The following BCR variants were observed in gnomAD, a reference collection of about 807,000 sequenced individuals.
BCR encodes BCR activator of RhoGEF and GTPase.
BCR carries 58 observed loss-of-function variants against 138.6 expected under a neutral mutation model. The ratio of observed to expected loss-of-function variants is 0.42; its 90% confidence interval spans 0.34 to 0.52. The LOEUF (loss-of-function observed/expected upper bound fraction) is 0.52, where lower values mean the gene tolerates loss of function less well. Among genes scored for constraint, BCR ranks in the 20% least tolerant of loss-of-function variants. The pLI is 0.06. For synonymous variants in BCR, 786 were observed against 730.1 expected, an observed-to-expected ratio of 1.08 and a Z score of -1.23; for missense variants, 1,599 against 1,727.2, an observed-to-expected ratio of 0.93 and a Z score of 1.32.
At chr22:23,290,570 T>G (rs2073774390) in intron 14 of BCR, 157 bp downstream of exon 14, 1 of 758,564 alleles carries the variant, frequency 1.3e-6, no homozygotes. Flanking sequence ...TGCTGGTTGA[T>G]GCCTTCTGGG....
chr22:23,219,021 G>A (rs959982969), intron 1 of BCR, among the ~76,000 whole-genome samples: 1 of 130 alleles, frequency 7.7e-3, no homozygotes, highest in South Asian at 0.17. Flanking sequence ...GAGAAGGCCT[G>A]CGCTTCCAGC....
chr22:23,286,024 T>C (rs1301922935), intron 10 of BCR, among the ~76,000 whole-genome samples: 1 of 152,212 alleles, frequency 6.6e-6, no homozygotes, highest in East Asian at 1.9e-4. Context: ...GCTGCGTCCT[T>C]TGCCGTGTGG....
intron 1 of BCR, among the ~76,000 whole-genome samples, chr22:23,226,305 TGAGAGAGAGA>T (rs67417858): frequency 5.4e-5 from 8 of 148,946 alleles, no homozygotes; most frequent in Non-Finnish European, 7.5e-5. Flanking sequence ...ATTAAGTGTA[TGAGAGAGAGA>T]GAGAGAGAGA....
chr22:23,218,919 C>CGCAA (rs2072788066), intron 1 of BCR, among the ~76,000 whole-genome samples: 1 of 152,204 alleles, frequency 6.6e-6, no homozygotes, highest in South Asian at 2.1e-4. Context: ...AGGGTGAGGT[C>CGCAA]GCAGCCCGGC....
rs528236893 is a variant in BCR, at chr22:23,287,268, G to A, written c.2516G>A (p.Arg839His). ...SPSMAFRVHS[R>H]NGKSYTFLIS... is the part of the protein sequence containing the mutation. Reference sequence around the variant, plus strand: ...AGCATGGCCTTCAGGGTGCACAGCCGCAACGGCAAGGTGAGCGCCTGCTGT... The same window carrying A: ...AGCATGGCCTTCAGGGTGCACAGCCACAACGGCAAGGTGAGCGCCTGCTGT... The change falls in exon 11 of 23, where the codon CGC becomes CAC. Residue 839 changes from arginine to histidine, a missense_variant. This residue lies in a region of BCR where 590 missense variants were observed against 762.4 expected (regional missense o/e 0.77). Coordinates refer to ENST00000305877, the MANE Select transcript of BCR (RefSeq NM_004327.4). 5.8e-6 allele frequency: 9 copies of A among 1,548,322 alleles called. No individual in the cohort carries two copies. The highest frequency in any genetic ancestry group is 2.4e-5 in the South Asian group (2 of 83,140).
chr22:23,268,650 T>TTGC (rs2073473762), intron 5 of BCR, 135 bp downstream of exon 5: 1 of 821,578 alleles, frequency 1.2e-6, no homozygotes, highest in Non-Finnish European at 2.0e-6. Flanking sequence ...GTTGGGTTCG[T>TTGC]TGCGTCAGCC....
At chr22:23,199,723 C>T (rs2072527447) in intron 1 of BCR, among the ~76,000 whole-genome samples, 1 of 151,606 alleles carries the variant, frequency 6.6e-6, no homozygotes. Context: ...TTTGTCTCTC[C>T]TTTCTCCCTG....
chr22:23,208,030 A>G (rs906389793), intron 1 of BCR, among the ~76,000 whole-genome samples: 9 of 152,296 alleles, frequency 5.9e-5, no homozygotes, highest in Admixed American at 2.0e-4. Context: ...GCTTTGGCTC[A>G]TTGGCTCCTG....
chr22:23,262,912 G>A (rs898567662), intron 4 of BCR: 4 of 1,100,890 alleles, frequency 3.6e-6, no homozygotes, highest in East Asian at 5.9e-5. Context: ...GCGAGGACAC[G>A]CCCAAGAGAG....
chr22:23,250,540 C>A (rs1313566185), intron 1 of BCR, among the ~76,000 whole-genome samples: 2 of 152,168 alleles, frequency 1.3e-5, no homozygotes, highest in Non-Finnish European at 2.9e-5. Flanking sequence ...GGCACTTGGA[C>A]ACCTCTGCTA....
At chr22:23,259,773 G>A (rs554489489) in intron 2 of BCR, among the ~76,000 whole-genome samples, 4 of 152,152 alleles carry the variant, frequency 2.6e-5, no homozygotes, top group Admixed American at 1.3e-4. Flanking sequence ...TGCCCGCCTC[G>A]GCCTCCCAAA....
At chr22:23,261,712 G>T in intron 4 of BCR, 172 bp downstream of exon 4, 2 of 551,220 alleles carry the variant, frequency 3.6e-6, no homozygotes, top group Non-Finnish European at 5.9e-6. Context: ...GATTACAGGC[G>T]TGAGCCGCCA....
At chr22:23,242,006 C>T (rs1163984888) in intron 1 of BCR, among the ~76,000 whole-genome samples, 2 of 152,188 alleles carry the variant, frequency 1.3e-5, no homozygotes, top group African/African-American at 4.8e-5. Context: ...CCACTTCCAG[C>T]CCCCCTTAGC....
intron 1 of BCR, among the ~76,000 whole-genome samples, chr22:23,216,536 A>C (rs2072754464): frequency 6.6e-6 from 1 of 152,258 alleles, no homozygotes; most frequent in South Asian, 2.1e-4. Context: ...GAACATTGTC[A>C]TAAGTGGAAA....
At chr22:23,313,641 C>A (rs750272517) in intron 20 of BCR, among the ~76,000 whole-genome samples, 3 of 152,202 alleles carry the variant, frequency 2.0e-5, no homozygotes, top group African/African-American at 7.2e-5. Flanking sequence ...CTGAGCCTCC[C>A]CTGCCTTGGG....
chr22:23,281,759 TGCA>T lies in BCR; in HGVS notation c.2116-2215_2116-2213del, dbSNP rs765575637. On this transcript the variant is annotated intron_variant, in intron 8 of 22. Coordinates refer to ENST00000305877, the MANE Select transcript of BCR (RefSeq NM_004327.4). ...GTCCACTGTTCGAGCCTCCCGGGCC[TGCA>T]GCCCGCACCCCAGAGGGGCCACTTC... Among the ~76,000 whole-genome samples, 17 of 152,328 alleles carry T rather than the reference TGCA, an allele frequency of 1.1e-4. 1 individual carries two copies. The highest frequency in any genetic ancestry group is 9.7e-4 in the East Asian group (5 of 5,176).
At chr22:23,268,331 T>A in intron 4 of BCR, 77 bp from the exon 5 acceptor site, 2 of 1,225,348 alleles carry the variant, frequency 1.6e-6, no homozygotes. Flanking sequence ...TGCAGAGCTG[T>A]GCACGGGAGC....
intron 1 of BCR, among the ~76,000 whole-genome samples, chr22:23,226,533 A>C (rs899891334): frequency 1.3e-5 from 2 of 152,218 alleles, no homozygotes; most frequent in Non-Finnish European, 2.9e-5. Flanking sequence ...CAGGAAATGT[A>C]TGAGGAAAGG....
intron 1 of BCR, among the ~76,000 whole-genome samples, chr22:23,239,579 A>C (rs1479944987): frequency 2.0e-5 from 3 of 152,174 alleles, no homozygotes. Context: ...GCAGCTCCTC[A>C]GTGCTGGTGT....
Sources: gnomAD v4.1 joint callset for allele counts (sites outside exome capture counted in the v4.1 genomes callset) on GRCh38, gnomAD v4.1.1 for gene constraint, gnomAD v4.1.1 regional missense constraint, MANE v1.5 for transcripts, NCBI Gene and HGNC (gene_info 2026-07-23, HGNC 2026-07-21) for gene names.